SNTG1: variants seen among roughly 807,000 people sequenced by gnomAD.
The protein encoded by SNTG1 is gamma-1-syntrophin.
Under a neutral mutation model 74.7 loss-of-function variants are expected in SNTG1, and 39 were observed. The ratio of observed to expected loss-of-function variants is 0.52; its 90% CI spans 0.40 to 0.68. The LOEUF (loss-of-function observed/expected upper bound fraction) is 0.68. Ranked by LOEUF, SNTG1 falls within the 30% of genes least tolerant of loss-of-function variation. The probability of loss-of-function intolerance (pLI) is 0.00; values close to 1 mark genes in which losing one functional copy is unlikely to be tolerated. For missense variants in SNTG1, 685 were observed against 609.5 expected (o/e 1.12, Z -1.30); for synonymous variants, 254 against 217.1 (o/e 1.17, Z -1.49).
intron 8 of SNTG1, among the ~76,000 whole-genome samples, chr8:50,474,337 G>T (rs533144290): frequency 6.6e-6 from 1 of 151,060 alleles, no homozygotes; most frequent in Admixed American, 6.6e-5. Flanking sequence ...CTGACAAAGG[G>T]CTAATATCCA....
intron 1 of SNTG1, among the ~76,000 whole-genome samples, chr8:50,159,795 T>G (rs1027362422): frequency 6.6e-6 from 1 of 152,154 alleles, no homozygotes; most frequent in African/African-American, 2.4e-5. Flanking sequence ...CTACCCTTAT[T>G]CATTTGGTCC....
intron 1 of SNTG1, among the ~76,000 whole-genome samples, chr8:50,046,859 C>T (rs982609181): frequency 4.6e-5 from 7 of 152,126 alleles, no homozygotes; most frequent in Admixed American, 6.5e-5. Context: ...GATGTTTCTT[C>T]ATAACCAAAT....
chr8:50,325,372 A>C (rs896773107), intron 2 of SNTG1, among the ~76,000 whole-genome samples: 30 of 152,154 alleles, frequency 2.0e-4, no homozygotes, highest in African/African-American at 7.0e-4. Context: ...TTATTAATTT[A>C]GTTGTTTTTA....
At chr8:50,625,101 A>C (rs1185678021) in intron 13 of SNTG1, among the ~76,000 whole-genome samples, 2 of 152,194 alleles carry the variant, frequency 1.3e-5, no homozygotes, top group Non-Finnish European at 2.9e-5. Context: ...GGCCTTGTCT[A>C]AGCTCTTCAC....
intron 2 of SNTG1, among the ~76,000 whole-genome samples, chr8:50,204,295 T>A (rs1029832010): frequency 3.2e-4 from 49 of 152,094 alleles, no homozygotes; most frequent in African/African-American, 1.2e-3. Context: ...GTACATATCT[T>A]TTTTTTGTCC....
intron 2 of SNTG1, among the ~76,000 whole-genome samples, chr8:50,300,225 G>A (rs1001535429): frequency 1.1e-4 from 16 of 152,032 alleles, no homozygotes; most frequent in African/African-American, 3.9e-4. Flanking sequence ...CGAAACAGTT[G>A]TAGTATGCAA....
intron 13 of SNTG1, among the ~76,000 whole-genome samples, chr8:50,592,635 C>T (rs2094699333): frequency 6.6e-6 from 1 of 150,736 alleles, no homozygotes; most frequent in Non-Finnish European, 1.5e-5. Context: ...AATATTCTGA[C>T]ACATACTCAT....
Position 50,417,461 on chromosome 8 carries a change from C to A in SNTG1, c.162+15117C>A, listed in dbSNP as rs372967616. On this transcript the variant is annotated intron_variant, in intron 4 of 18. Transcript: ENST00000642720. ...GTAGAATTATACTTATGAAATGTCG[C>A]CCAGTTATAATATTCCATGGCTTGC... 1.1e-3 allele frequency among the ~76,000 whole-genome samples: 170 copies of A among 152,222 alleles called. 1 individual carries two copies. Among genetic ancestry groups the A allele is most frequent in the African/African-American group, 3.3e-3 (138 of 41,562 alleles).
chr8:50,325,776 A>G lies in SNTG1; in HGVS notation c.-27-68436A>G, dbSNP rs901697883. 6.6e-5 allele frequency among the ~76,000 whole-genome samples: 10 copies of G among 152,078 alleles called. No individual in the cohort carries two copies. In the East Asian group the frequency reaches 1.9e-3, roughly 29 times the overall value. On this transcript the variant is annotated intron_variant, in intron 2 of 18. Transcript: ENST00000642720. ...AGCTAGGACTTCCTGTATGATTTTT[A>G]AAAGGAATGGTGATAGGAAACATCT... is the stretch of plus-strand genomic sequence containing the variant.
At chr8:50,278,184 A>G (rs2088225853) in intron 2 of SNTG1, among the ~76,000 whole-genome samples, 1 of 151,966 alleles carries the variant, frequency 6.6e-6, no homozygotes, top group South Asian at 2.1e-4. Flanking sequence ...AAAGAAAAAG[A>G]AAAAAAAGGA....
intron 1 of SNTG1, among the ~76,000 whole-genome samples, chr8:50,153,860 C>G (rs1210216385): frequency 6.6e-6 from 1 of 152,162 alleles, no homozygotes; most frequent in East Asian, 1.9e-4. Flanking sequence ...CAGGGACCCA[C>G]TTGAGGAGGC....
At chr8:50,421,059 G>GTGGGGGC (rs2093079395) in intron 4 of SNTG1, among the ~76,000 whole-genome samples, 1 of 109,702 alleles carries the variant, frequency 9.1e-6, no homozygotes, top group African/African-American at 3.2e-5. Context: ...GGGAGGGGGG[G>GTGGGGGC]GCGAAGATAA....
chr8:50,256,245 G>A (rs1038050135), intron 2 of SNTG1, among the ~76,000 whole-genome samples: 1 of 151,708 alleles, frequency 6.6e-6, no homozygotes, highest in African/African-American at 2.4e-5. Flanking sequence ...AACACCCACA[G>A]GGCCCATAAA....
intron 1 of SNTG1, among the ~76,000 whole-genome samples, chr8:50,155,187 T>G (rs2082214023): frequency 6.6e-6 from 1 of 152,206 alleles, no homozygotes; most frequent in African/African-American, 2.4e-5. Context: ...TAAAACTACC[T>G]TGATTACAGG....
intron 1 of SNTG1, among the ~76,000 whole-genome samples, chr8:50,045,078 T>G (rs563654341): frequency 6.6e-6 from 1 of 152,232 alleles, no homozygotes; most frequent in East Asian, 1.9e-4. Flanking sequence ...CTCCCAGTGT[T>G]AGGAGACAGT....
intron 2 of SNTG1, among the ~76,000 whole-genome samples, chr8:50,194,280 G>T (rs2083683020): frequency 6.6e-6 from 1 of 152,070 alleles, no homozygotes; most frequent in Non-Finnish European, 1.5e-5. Context: ...GTAGAATTCT[G>T]CTGTGAATCC....
At chr8:50,373,188 G>A (rs1373704005) in intron 2 of SNTG1, among the ~76,000 whole-genome samples, 1 of 152,022 alleles carries the variant, frequency 6.6e-6, no homozygotes, top group Non-Finnish European at 1.5e-5. Context: ...TTTAATTTTT[G>A]TTTATTTGCT....
At chr8:50,624,199 T>C (rs2094941839) in intron 13 of SNTG1, among the ~76,000 whole-genome samples, 1 of 152,064 alleles carries the variant, frequency 6.6e-6, no homozygotes, top group African/African-American at 2.4e-5. Context: ...ATAAAAAATG[T>C]TTCTTTATAG....
chr8:50,016,040 T>C (rs1383297269), intron 1 of SNTG1, among the ~76,000 whole-genome samples: 2 of 152,172 alleles, frequency 1.3e-5, no homozygotes, highest in East Asian at 3.9e-4. Flanking sequence ...GTGCATCACA[T>C]TGATTTGCTG....
Sources: gnomAD v4.1 joint callset for allele counts (sites outside exome capture counted in the v4.1 genomes callset) on GRCh38, gnomAD v4.1.1 for gene constraint, MANE v1.5 for transcripts, NCBI Gene and HGNC (gene_info 2026-07-23, HGNC 2026-07-21) for gene names.